Variants in TKT observed in about 807,000 individuals in gnomAD.
TKT encodes epididymis luminal protein 107.
A neutral mutation model predicts 63.9 loss-of-function variants in TKT; 47 were observed. The observed-to-expected ratio is 0.74, with a 90% CI of 0.58 to 0.94. TKT has a LOEUF of 0.94. Ranked by LOEUF, TKT falls within the 40% of genes least tolerant of loss-of-function variation. The pLI, the probability that TKT is intolerant of heterozygous loss-of-function variation, is 0.00. For missense variants in TKT, 721 were observed against 846.2 expected (o/e 0.85, Z 1.84); for synonymous variants, 338 against 334.1 (o/e 1.01, Z -0.13).
Position 53,244,303 on chromosome 3 carries a change from C to T in TKT, c.108-2061G>A, listed in dbSNP as rs969133308. ...CTTTTGGGGCTCTCCCTCGGCAGAG[C>T]ATCCTGGGTTGGGGAGGTGAGCTGT... On this transcript the variant is annotated intron_variant, in intron 1 of 13. Coordinates refer to ENST00000462138, the MANE Select transcript of TKT (RefSeq NM_001064.4). Among the ~76,000 whole-genome samples the T allele has an allele frequency of 4.6e-5, 7 of 152,328 alleles. No individual in the cohort carries two copies. The East Asian group carries it at 1.4e-3, about 29-fold the overall frequency.
chr3:53,240,682 G>C (rs1553679612), intron 3 of TKT, among the ~76,000 whole-genome samples: 3 of 152,180 alleles, frequency 2.0e-5, no homozygotes, highest in South Asian at 4.1e-4. Flanking sequence ...CCCCTCGTGG[G>C]GACCCAGACC....
intron 7 of TKT, 105 bp downstream of exon 7, chr3:53,231,252 T>C: frequency 2.3e-6 from 3 of 1,307,902 alleles, no homozygotes; most frequent in Non-Finnish European, 3.2e-6. Context: ...TCGCCCTAAA[T>C]GAATCGCTCT....
Position 53,241,237 on chromosome 3 carries a change from T to C in TKT, c.234A>G (p.Ala78=). Residue 78 remains alanine, a synonymous_variant, in exon 3 of 14, where the codon GCA becomes GCG. Transcript: ENST00000462138. ...CCCAGACCGCGTAGAGGATGGGAGC[T>C]GCATGGCCCTGCCGGGAGATGGATG... is the stretch of plus-strand genomic sequence containing the variant. The part of the protein sequence containing the change: ...NDRFVLSKGH[A]APILYAVWAE... 6.2e-7 allele frequency: 1 copy of C among 1,600,102 alleles called. No individual in the cohort carries two copies. The highest frequency in any genetic ancestry group is 8.5e-7 in the Non-Finnish European group (1 of 1,175,270).
At chr3:53,240,865 G>C (rs1233774259) in intron 3 of TKT, among the ~76,000 whole-genome samples, 1 of 152,192 alleles carries the variant, frequency 6.6e-6, no homozygotes, top group African/African-American at 2.4e-5. Context: ...AGGAGGCCCA[G>C]TGCAGAAGGG....
intron 1 of TKT, among the ~76,000 whole-genome samples, chr3:53,250,326 G>A (rs979324970): frequency 3.9e-5 from 6 of 152,170 alleles, no homozygotes; most frequent in Non-Finnish European, 8.8e-5. Flanking sequence ...GGATGTCAGA[G>A]CTGGGTAAAC....
chr3:53,230,533 T>C lies in TKT; in HGVS notation c.1031A>G (p.Asn344Ser). 6.2e-7 allele frequency: 1 copy of C among 1,614,168 alleles called. No individual in the cohort carries two copies. The highest frequency in any genetic ancestry group is 8.5e-7 in the Non-Finnish European group (1 of 1,180,022). Residue 344 changes from asparagine (N) to serine (S), a missense_variant, in exon 8 of 14, where the codon AAT becomes AGT. Transcript: ENST00000462138. ...RIIALDGDTK[N>S]STFSEIFKKE... ...TTTGAAGATCTCCGAGAAGGTGGAATTTTTGGTGTCCCCATCCAGGGCGAT... is the reference window on the plus strand; with the variant it reads ...TTTGAAGATCTCCGAGAAGGTGGAACTTTTGGTGTCCCCATCCAGGGCGAT...
chr3:53,228,678 G>A (rs1381615366), intron 10 of TKT: 27 of 504,534 alleles, frequency 5.4e-5, no homozygotes, highest in South Asian at 3.5e-4. Flanking sequence ...ATGCAGCTCC[G>A]GGCCTGGACC....
intron 13 of TKT, 145 bp downstream of exon 13, chr3:53,226,611 G>T: frequency 8.2e-7 from 1 of 1,219,232 alleles, no homozygotes; most frequent in Non-Finnish European, 1.2e-6. Context: ...CCTTTTAAGA[G>T]ACCACGTCCC....
intron 5 of TKT, 142 bp downstream of exon 5, chr3:53,234,841 T>C: frequency 1.2e-6 from 1 of 820,340 alleles, no homozygotes; most frequent in Non-Finnish European, 1.8e-6. Flanking sequence ...AGTTTGAAAT[T>C]GTGAGTCAAA....
chr3:53,231,771 G>A, intron 6 of TKT: 1 of 555,312 alleles, frequency 1.8e-6, no homozygotes, highest in Non-Finnish European at 3.2e-6. Context: ...CTACTGCCTG[G>A]TCCTTTGGGA....
rs1056873048 is a variant in TKT, at chr3:53,229,400, T to C, written c.1144A>G (p.Thr382Ala). The C allele has an allele frequency of 5.0e-6, 8 of 1,611,342 alleles. No homozygotes were observed. Among genetic ancestry groups the C allele is most frequent in the Non-Finnish European group, 5.9e-6 (7 of 1,178,818 alleles). The change falls in exon 9 of 14, where the codon ACG (threonine) becomes GCG (alanine). Residue 382 changes from threonine to alanine, a missense_variant. Transcript: ENST00000462138. ...IAVGCATRNR[T>A]VPFCSTFAAF... ...GCAAAAGTGCTGCAGAAGGGCACCG[T>C]CCTGTTGCGGGTGGCACAGCCCACC...
intron 1 of TKT, chr3:53,243,749 T>C: frequency 2.4e-6 from 1 of 408,198 alleles, no homozygotes; most frequent in Non-Finnish European, 4.9e-6. Flanking sequence ...CAGGGCCAGC[T>C]TCAACTGGAG....
chr3:53,253,312 CTCTT>C (rs1297002200), intron 1 of TKT, among the ~76,000 whole-genome samples: 7 of 151,986 alleles, frequency 4.6e-5, no homozygotes, highest in South Asian at 2.1e-4. Flanking sequence ...CTCTCTCTCT[CTCTT>C]TCTTTCTTTT....
chr3:53,243,678 G>C (rs1468796685), intron 1 of TKT: 1 of 454,416 alleles, frequency 2.2e-6, no homozygotes, highest in Non-Finnish European at 4.4e-6. Flanking sequence ...GCCTGGCAGG[G>C]ACCCTAATCC....
chr3:53,240,458 G>A, intron 3 of TKT, 110 bp from the exon 4 acceptor site: 2 of 950,644 alleles, frequency 2.1e-6, no homozygotes, highest in Non-Finnish European at 3.1e-6. Context: ...TCTGCAGAAG[G>A]TCAGGCCCCA....
chr3:53,232,044 T>A (rs1329029526), intron 6 of TKT: 5 of 303,464 alleles, frequency 1.6e-5, no homozygotes. Flanking sequence ...AGCAGAGGAG[T>A]CTATAAGCAC....
At chr3:53,243,391 G>A (rs1303742984) in intron 1 of TKT, among the ~76,000 whole-genome samples, 2 of 151,998 alleles carry the variant, frequency 1.3e-5, no homozygotes, top group African/African-American at 2.4e-5. Flanking sequence ...AAGACACGCC[G>A]CATGCCAAGC....
intron 12 of TKT, 66 bp from the exon 13 acceptor site, chr3:53,226,944 G>C: frequency 6.5e-7 from 1 of 1,537,064 alleles, no homozygotes. Flanking sequence ...CCTGGTGGGG[G>C]CCTGGTGGGA....
Position 53,249,172 on chromosome 3 carries a change from T to C in TKT, c.107+6664A>G, listed in dbSNP as rs1705644291. Among the ~76,000 whole-genome samples the C allele has an allele frequency of 2.1e-3, 4 of 1,938 alleles. No individual in the cohort carries two copies. The South Asian group carries it at 0.021, about 10-fold the overall frequency. 1.3% of individuals were successfully genotyped at this position (1,938 alleles called of 152,430 possible). ...TTTTAGTAGAGACAGGGTTTCACCATGTTGGCTGGGCTGTCTCGAACTCCT... is the reference window on the plus strand; with the variant it reads ...TTTTAGTAGAGACAGGGTTTCACCACGTTGGCTGGGCTGTCTCGAACTCCT... On this transcript the variant is annotated intron_variant, in intron 1 of 13. Coordinates refer to ENST00000462138, the MANE Select transcript of TKT (RefSeq NM_001064.4).
Sources: allele counts gnomAD v4.1 joint callset (sites outside exome capture counted in the v4.1 genomes callset), GRCh38; gene constraint gnomAD v4.1.1; transcripts MANE v1.5; gene names NCBI Gene and HGNC (gene_info 2026-07-23, HGNC 2026-07-21).